WDR91: variants seen among roughly 807,000 people sequenced by gnomAD.
WDR91 encodes the protein WD repeat domain 91.
In WDR91, 52 loss-of-function variants were observed where a neutral mutation model predicts 88.4. That is an observed-to-expected ratio of 0.59 (90% CI 0.47 to 0.74). The LOEUF is 0.74. WDR91 is among the 30% of genes least tolerant of loss of function. WDR91 has a pLI of 0.00. For synonymous variants in WDR91, 362 were observed against 389.5 expected (o/e 0.93, Z 0.83); for missense variants, 824 against 954.5 (o/e 0.86, Z 1.80).
At chr7:135,202,525 A>G (rs976158432) in intron 6 of WDR91, among the ~76,000 whole-genome samples, 1 of 152,190 alleles carries the variant, frequency 6.6e-6, no homozygotes, top group African/African-American at 2.4e-5. Context: ...TCTTATCCCC[A>G]TTGCTTAGCT....
At chr7:135,209,850 G>T in intron 1 of WDR91, 95 bp from the exon 2 acceptor site, 1 of 1,169,742 alleles carries the variant, frequency 8.5e-7, no homozygotes, top group Non-Finnish European at 1.1e-6. Context: ...TGGCTTCTGG[G>T]TGTAAAAAAA....
At position 135,186,105 on chromosome 7, in the gene WDR91, C is replaced by A. The variant is rs199766460; in HGVS notation, c.*46G>T. Reference sequence around the variant, plus strand: ...TTTCCTGTCCTATATCTCCTCCCCCCACCGCAGATAATACTGCTTCCTCGG... The same window carrying A: ...TTTCCTGTCCTATATCTCCTCCCCCAACCGCAGATAATACTGCTTCCTCGG... On this transcript the variant is annotated 3_prime_UTR_variant, in exon 15 of 15. Transcript: ENST00000354475. 4 of 1,543,274 alleles carry A rather than the reference C, an allele frequency of 2.6e-6. No homozygotes were observed. The highest frequency in any genetic ancestry group is 1.4e-5 in the African/African-American group (1 of 71,056).
intron 1 of WDR91, chr7:135,210,860 G>A (rs1027120273): frequency 5.7e-6 from 4 of 703,548 alleles, no homozygotes; most frequent in African/African-American, 1.7e-5. Flanking sequence ...TTTTAGAGCA[G>A]GGGAAGTTTG....
chr7:135,193,643 C>T lies in WDR91; in HGVS notation c.1425G>A (p.Val475=), dbSNP rs1223337193. 1.3e-5 allele frequency: 21 copies of T among 1,614,126 alleles called. No individual in the cohort carries two copies. Among genetic ancestry groups the T allele is most frequent in the Non-Finnish European group, 1.6e-5 (19 of 1,179,994 alleles). ...LLLLGSGVGT[V]RLYDTEAKKN... is the part of the protein sequence containing the mutation. ...TCTTGGCTTCCGTGTCATAGAGACG[C>T]ACTGTTCCCACACCACTGCCCAGCA... Residue 475 remains valine, a synonymous_variant, in exon 10 of 15, where the codon GTG becomes GTA. Transcript: ENST00000354475.
rs774717258 is a variant in WDR91 at position 135,196,661 on chromosome 7, G to A, written c.1051-324C>T. On this transcript the variant is annotated intron_variant, in intron 7 of 14. Transcript: ENST00000354475. The surrounding 1 kb of genome is among the most constrained non-coding windows in gnomAD (Gnocchi z 4.2). ...ACAACAGGCCAGGCGGAGGATGCGT[G>A]GTGCAGGCCACACACCGCGCTGAGT... Among the ~76,000 whole-genome samples the A allele has an allele frequency of 6.6e-6, 1 of 152,160 alleles. No homozygotes were observed. The highest frequency in any genetic ancestry group is 1.5e-5 in the Non-Finnish European group (1 of 68,024).
At chr7:135,209,866 G>GT in intron 1 of WDR91, 111 bp from the exon 2 acceptor site, 3 of 959,098 alleles carry the variant, frequency 3.1e-6, no homozygotes, top group East Asian at 5.8e-5. Context: ...AAAAAAATTT[G>GT]TAAGTTAGCA....
intron 1 of WDR91, among the ~76,000 whole-genome samples, chr7:135,210,237 C>G (rs1444509045): frequency 6.6e-6 from 1 of 152,194 alleles, no homozygotes; most frequent in Admixed American, 6.5e-5. Context: ...GTAATCCCAG[C>G]TACTCGGGAG....
chr7:135,210,733 C>G (rs1355857958), intron 1 of WDR91: 14 of 699,514 alleles, frequency 2.0e-5, no homozygotes, highest in Non-Finnish European at 3.7e-5. Context: ...GAAACCAGAT[C>G]TCCTAACTCC....
In WDR91 at chr7:135,211,509, G is replaced by A. The variant is rs758043042; in HGVS notation, c.-7C>T. On this transcript the variant is annotated 5_prime_UTR_variant, in exon 1 of 15. Transcript: ENST00000354475. ...GCTCCACGGCCTCCGCCATCGCAGC[G>A]CTAGCGTCTTTAGGGGTGGTGCGGT... The A allele has an allele frequency of 1.2e-5, 19 of 1,611,074 alleles. No homozygotes were observed. The highest frequency in any genetic ancestry group is 5.5e-5 in the South Asian group (5 of 90,870).
At chr7:135,201,293 G>A (rs185880698) in intron 6 of WDR91, among the ~76,000 whole-genome samples, 39 of 150,554 alleles carry the variant, frequency 2.6e-4, no homozygotes, top group African/African-American at 7.3e-4. Flanking sequence ...GTGCCCTCCC[G>A]GCTATTGTAA....
chr7:135,207,281 CAT>C (rs1189206856), intron 3 of WDR91, 79 bp from the exon 4 acceptor site: 30 of 1,208,876 alleles, frequency 2.5e-5, no homozygotes, highest in African/African-American at 2.0e-4. Context: ...CAGTAAAACA[CAT>C]GAGACACAGG....
chr7:135,191,128 A>G (rs1831148434), intron 11 of WDR91, among the ~76,000 whole-genome samples: 1 of 152,254 alleles, frequency 6.6e-6, no homozygotes, highest in Non-Finnish European at 1.5e-5. Context: ...TCCCGGTCTC[A>G]GCAAAGGCAG....
At chr7:135,195,207 T>C in intron 8 of WDR91, 123 bp from the exon 9 acceptor site, 2 of 1,024,784 alleles carry the variant, frequency 2.0e-6, no homozygotes, top group Non-Finnish European at 2.8e-6. Context: ...CCTAGAGGTC[T>C]ACATTCAAAG....
At chr7:135,207,345 T>C (rs776094624) in intron 3 of WDR91, 143 bp from the exon 4 acceptor site, 3 of 694,928 alleles carry the variant, frequency 4.3e-6, no homozygotes, top group South Asian at 2.7e-5. Context: ...GCGGGCTTAA[T>C]GAAATAGTCG....
At chr7:135,190,269 T>C (rs896497217) in intron 11 of WDR91, among the ~76,000 whole-genome samples, 53 of 152,280 alleles carry the variant, frequency 3.5e-4, no homozygotes, top group African/African-American at 1.2e-3. Flanking sequence ...TCCAAAGAGC[T>C]ATACCTTCAG....
intron 5 of WDR91, 114 bp from the exon 6 acceptor site, chr7:135,204,547 C>T: frequency 8.6e-7 from 1 of 1,167,660 alleles, no homozygotes; most frequent in Non-Finnish European, 1.2e-6. Flanking sequence ...GGGTCAGGTC[C>T]AAGAGCCTGG....
At chr7:135,186,934 C>T in intron 14 of WDR91, 38 bp downstream of exon 14, 1 of 1,611,664 alleles carries the variant, frequency 6.2e-7, no homozygotes, top group Non-Finnish European at 8.5e-7. Flanking sequence ...CCCTGCCCAC[C>T]ACAATACCAC....
At position 135,204,328 on chromosome 7, in the gene WDR91, C is replaced by T. The variant is rs1288211495; in HGVS notation, c.831G>A (p.Ser277=). ...GAGGTTGAGGAGGGCCCTGAGCAGG[C>T]GACAACCTTGAGGGGCTCTTCTTAC... ...PQSKKSPSRL[S]PAQGPPQPQS... The change falls in exon 6 of 15, where the codon TCG becomes TCA. Residue 277 remains serine, a synonymous_variant. Transcript: ENST00000354475. 10 of 1,614,002 alleles carry T rather than the reference C, an allele frequency of 6.2e-6. No homozygotes were observed. The highest frequency in any genetic ancestry group is 8.5e-6 in the Non-Finnish European group (10 of 1,180,022).
rs745827010 is a variant in WDR91, at chr7:135,211,381, C to T, written c.122G>A (p.Arg41Gln). The T allele has an allele frequency of 4.4e-6, 7 of 1,608,886 alleles. No homozygotes were observed. The highest frequency in any genetic ancestry group is 5.9e-6 in the Non-Finnish European group (7 of 1,177,994). The change falls in exon 1 of 15, where the codon CGG becomes CAG. Residue 41 changes from arginine (R) to glutamine (Q), a missense_variant and splice_region_variant. Arg to Gln is a conservative substitution (Grantham distance 43). Coordinates refer to ENST00000354475, the MANE Select transcript of WDR91 (RefSeq NM_014149.4). ...EIKADKEKGF[R>Q]VDKIVDQLQQ... ...GCGCCGCTCCCGCCGGCCTCTCACC[C>T]GGAACCCCTTCTCCTTGTCCGCCTT... is the stretch of plus-strand genomic sequence containing the variant.
Sources: gnomAD v4.1 joint callset for allele counts (sites outside exome capture counted in the v4.1 genomes callset) on GRCh38, gnomAD v4.1.1 for gene constraint, Gnocchi (gnomAD v3.1) non-coding constraint, MANE v1.5 for transcripts, NCBI Gene and HGNC (gene_info 2026-07-23, HGNC 2026-07-21) for gene names.